Variants in DYNC2I1 observed in about 807,000 individuals in gnomAD.
The protein encoded by DYNC2I1 is dynein 2 intermediate chain 1, also known as cytoplasmic dynein 2 intermediate chain 1.
A neutral mutation model predicts 133.4 loss-of-function variants in DYNC2I1; 89 were observed. That is an observed-to-expected ratio of 0.67 (90% CI 0.56 to 0.80). DYNC2I1 has a LOEUF of 0.80. Among genes scored for constraint, DYNC2I1 ranks in the 30% least tolerant of loss-of-function variants. The pLI, the probability that DYNC2I1 is intolerant of heterozygous loss-of-function variation, is 0.00. For synonymous variants in DYNC2I1, 504 were observed against 484.3 expected, an observed-to-expected ratio of 1.04 and a Z score of -0.54; for missense variants, 1,291 against 1,314.5, an observed-to-expected ratio of 0.98 and a Z score of 0.28.
chr7:158,868,408 G>C lies in DYNC2I1; in HGVS notation c.16-1447G>C, dbSNP rs565679789. Among the ~76,000 whole-genome samples the C allele has an allele frequency of 7.2e-5, 11 of 152,314 alleles. No homozygotes were observed. In the South Asian group the frequency reaches 1.9e-3, roughly 26 times the overall value. On this transcript the variant is annotated intron_variant, in intron 1 of 24. Transcript: ENST00000407559. ...TAGGCCTTCCTTTCCGGAAGGTGAG[G>C]GCTTAGCTGGAGAGATGTCATCACA...
intron 14 of DYNC2I1, 142 bp from the exon 15 acceptor site, chr7:158,918,598 A>C: frequency 1.1e-6 from 1 of 870,126 alleles, no homozygotes; most frequent in East Asian, 2.6e-5. Flanking sequence ...AAAGGACCGT[A>C]TCGTTTTTCT....
At chr7:158,940,741 A>G (rs1252298634) in intron 23 of DYNC2I1, among the ~76,000 whole-genome samples, 4 of 152,282 alleles carry the variant, frequency 2.6e-5, no homozygotes, top group Admixed American at 1.3e-4. Flanking sequence ...CAGTGGGTCA[A>G]TTAAGAAATT....
chr7:158,928,408 G>T (rs1193424144), intron 20 of DYNC2I1, among the ~76,000 whole-genome samples: 1 of 152,148 alleles, frequency 6.6e-6, no homozygotes, highest in Non-Finnish European at 1.5e-5. Flanking sequence ...GACCGGCTTT[G>T]TTCCTAACCT....
chr7:158,952,203 C>T (rs1445605468), intron 4 of DYNC2I1, among the ~76,000 whole-genome samples: 1 of 152,214 alleles, frequency 6.6e-6, no homozygotes, highest in Non-Finnish European at 1.5e-5. Flanking sequence ...GCGCTAGAGT[C>T]ACATGTTGTG....
rs75781495 is a variant in DYNC2I1 at position 158,892,302 on chromosome 7, G to T, written c.1059+969G>T. Among the ~76,000 whole-genome samples the T allele has an allele frequency of 6.2e-3, 938 of 152,266 alleles. 62 individuals are homozygous for T. The East Asian group carries it at 0.13, about 21-fold the overall frequency. ...CTGTTTTCTTCTTGTCAGTCAGCAG[G>T]CGTTGTATTTACTGATACAATAAAT... On this transcript the variant is annotated intron_variant, in intron 8 of 24. Transcript: ENST00000407559.
At chr7:158,841,743 A>G in the DYNC2I1 span, among the ~76,000 whole-genome samples, 1 of 152,250 alleles carries the variant, frequency 6.6e-6, no homozygotes, top group African/African-American at 2.4e-5. Context: ...GAAAAAGAAG[A>G]CAGCGTCGCA....
At chr7:158,893,445 C>G (rs558587080) in intron 8 of DYNC2I1, among the ~76,000 whole-genome samples, 52 of 152,284 alleles carry the variant, frequency 3.4e-4, no homozygotes, top group African/African-American at 1.2e-3. Context: ...CTTAAATGTG[C>G]TCCAAACAGT....
chr7:158,900,411 C>T (rs928915656), intron 8 of DYNC2I1, among the ~76,000 whole-genome samples: 8 of 152,094 alleles, frequency 5.3e-5, no homozygotes, highest in Non-Finnish European at 7.4e-5. Context: ...TGTGAGCCAC[C>T]GCGCCCAGCC....
intron 8 of DYNC2I1, among the ~76,000 whole-genome samples, chr7:158,897,240 C>A (rs1340970798): frequency 6.6e-6 from 1 of 152,102 alleles, no homozygotes; most frequent in Non-Finnish European, 1.5e-5. Context: ...CATCTCAGAT[C>A]TTACTGCCTT....
chr7:158,856,609 C>T lies in DYNC2I1; in HGVS notation c.-127C>T. The T allele has an allele frequency of 2.0e-6, 2 of 1,007,472 alleles. No homozygotes were observed. The highest frequency in any genetic ancestry group is 2.6e-6 in the Non-Finnish European group (2 of 784,310). The allele number at this position is 1,007,472 out of a possible 1,614,324, so 62.4% of individuals were successfully genotyped here. ...AGTGCTTCTGGGCCCTCTGCTGCTC[C>T]TGCTTGTCGGTTGCTAGGCGCTGGG... On this transcript the variant is annotated 5_prime_UTR_variant, in exon 1 of 25. Transcript: ENST00000407559.
intron 1 of DYNC2I1, among the ~76,000 whole-genome samples, chr7:158,867,121 C>G (rs1842482091): frequency 6.8e-6 from 1 of 146,468 alleles, no homozygotes; most frequent in Admixed American, 7.0e-5. Flanking sequence ...ATGGTATATT[C>G]TCTGCAGGAA....
chr7:158,915,828 G>T (rs1251349425), intron 14 of DYNC2I1, among the ~76,000 whole-genome samples: 3 of 147,952 alleles, frequency 2.0e-5, no homozygotes, highest in African/African-American at 7.6e-5. Flanking sequence ...AAGGATGATT[G>T]TGAAACGTCA....
At chr7:158,957,930 C>A (rs1585282979), downstream of DYNC2I1, among the ~76,000 whole-genome samples, 2 of 152,224 alleles carry the variant, frequency 1.3e-5, no homozygotes, top group South Asian at 2.1e-4. Context: ...TCAGCCACTG[C>A]CCCCCAGTGT....
chr7:158,876,908 A>G (rs1843411879), intron 4 of DYNC2I1, among the ~76,000 whole-genome samples: 1 of 152,228 alleles, frequency 6.6e-6, no homozygotes, highest in Admixed American at 6.5e-5. Context: ...TAGAAAATTT[A>G]GAAGATACAA....
At position 158,911,399 on chromosome 7, in the gene DYNC2I1, C is replaced by T. The variant is rs149988808; in HGVS notation, c.1461-151C>T. ...CTGTCTACTACTCAGTTATTTTTAA[C>T]AGCTGTTAAATATCTCAGACTCACC... On this transcript the variant is annotated intron_variant, in intron 11 of 24. Transcript: ENST00000407559. 213 of 792,110 alleles carry T rather than the reference C, an allele frequency of 2.7e-4. 1 individual carries two copies. The highest frequency in any genetic ancestry group is 3.4e-4 in the Non-Finnish European group (176 of 516,632). The allele number at this position is 792,110 out of a possible 1,614,324, so 49.1% of individuals were successfully genotyped here.
intron 20 of DYNC2I1, among the ~76,000 whole-genome samples, chr7:158,927,541 A>G: frequency 6.6e-6 from 1 of 151,124 alleles, no homozygotes; most frequent in East Asian, 1.9e-4. Context: ...GAATAATCAA[A>G]TGATATTCTG....
At chr7:158,879,320 G>C (rs1224126718) in intron 4 of DYNC2I1, among the ~76,000 whole-genome samples, 2 of 151,974 alleles carry the variant, frequency 1.3e-5, no homozygotes, top group African/African-American at 4.8e-5. Flanking sequence ...GTCGTCCCTT[G>C]GTATCCATGG....
At chr7:158,844,903 G>A in the DYNC2I1 span, among the ~76,000 whole-genome samples, 2 of 152,174 alleles carry the variant, frequency 1.3e-5, no homozygotes, top group Non-Finnish European at 2.9e-5. Flanking sequence ...TTGCAGGCGT[G>A]AGCCACTGTG....
At chr7:158,847,212 T>C in the DYNC2I1 span, among the ~76,000 whole-genome samples, 1 of 152,180 alleles carries the variant, frequency 6.6e-6, no homozygotes, top group Admixed American at 6.5e-5. Flanking sequence ...ACCTCAGTTT[T>C]TTTCACTTGG....
Sources: gnomAD v4.1 joint callset for allele counts (sites outside exome capture counted in the v4.1 genomes callset) on GRCh38, gnomAD v4.1.1 for gene constraint, MANE v1.5 for transcripts, NCBI Gene and HGNC (gene_info 2026-07-23, HGNC 2026-07-21) for gene names.